JAKMIP1: variants seen among roughly 807,000 people sequenced by gnomAD.
JAKMIP1 encodes janus kinase and microtubule-interacting protein 1.
In JAKMIP1, 33 loss-of-function variants were observed where a neutral mutation model predicts 113.0. That is an observed-to-expected ratio of 0.29 (90% CI 0.22 to 0.39). The LOEUF is 0.39. Among genes scored for constraint, JAKMIP1 ranks in the 10% least tolerant of loss-of-function variants. JAKMIP1 has a pLI of 1.00. For synonymous variants in JAKMIP1, 480 were observed against 459.9 expected (o/e 1.04, Z -0.56); for missense variants, 813 against 1,080.5 (o/e 0.75, Z 3.47).
Position 6,036,038 on chromosome 4 carries a change from C to T in JAKMIP1, c.2245G>A (p.Ala749Thr), listed in dbSNP as rs370324205. ...TCCTCCCGCTGGCCCTCGCTCAGCG[C>T]CTCACCGGCCCTCCGCCCCGGCTCC... ...QQEPGRRAGE[A>T]LSEGQREDLQ... Residue 749 changes from alanine (A) to threonine (T), a missense_variant, in exon 19 of 21, where the codon GCG becomes ACG. Ala to Thr is a moderately conservative substitution (Grantham distance 58). Transcript: ENST00000409021. 6.4e-7 allele frequency: 1 copy of T among 1,554,674 alleles called. No homozygotes were observed.
In JAKMIP1 at chr4:6,167,924, A is replaced by G. The variant is rs1723856570; in HGVS notation, c.-148+32329T>C. Among the ~76,000 whole-genome samples, 1 of 152,214 alleles carries G rather than the reference A, an allele frequency of 6.6e-6. No individual in the cohort carries two copies. The highest frequency in any genetic ancestry group is 1.5e-5 in the Non-Finnish European group (1 of 68,038). ...ACTGCGCCAGATCGCTGCACCAGTG[A>G]GACTTTGTCTCCCAGAGCTGACAGC... On this transcript the variant is annotated intron_variant, in intron 1 of 20. Transcript: ENST00000409021. The surrounding 1 kb of genome is among the most constrained non-coding windows in gnomAD (Gnocchi z 5.3).
intron 1 of JAKMIP1, among the ~76,000 whole-genome samples, chr4:6,182,246 C>CA (rs1478475971): frequency 1.3e-5 from 2 of 151,226 alleles, no homozygotes; most frequent in African/African-American, 4.9e-5. Flanking sequence ...CTCATCTCTA[C>CA]AAAATTAAAA....
chr4:6,103,897 G>T (rs535049453), intron 3 of JAKMIP1, among the ~76,000 whole-genome samples: 1 of 152,206 alleles, frequency 6.6e-6, no homozygotes, highest in South Asian at 2.1e-4. Flanking sequence ...ATTGCTAAAT[G>T]TTTGTCAATT....
chr4:6,100,746 T>G (rs536334074), intron 3 of JAKMIP1, among the ~76,000 whole-genome samples: 21 of 151,502 alleles, frequency 1.4e-4, no homozygotes, highest in African/African-American at 4.6e-4. Context: ...CTATTGTCTG[T>G]TTTTTTTTAA....
rs1719846289 is a variant in JAKMIP1 at position 6,139,846 on chromosome 4, A to G, written c.-147-26849T>C. On this transcript the variant is annotated intron_variant, in intron 1 of 20. Transcript: ENST00000409021. The surrounding 1 kb of genome is among the most constrained non-coding windows in gnomAD (Gnocchi z 5.2). ...AGACACAGAGACAAAGGAGAACACC[A>G]TGTGACGACGAAGGAGGAGGTCACG... Among the ~76,000 whole-genome samples the G allele has an allele frequency of 6.6e-6, 1 of 152,126 alleles. No individual in the cohort carries two copies. Among genetic ancestry groups the G allele is most frequent in the African/African-American group, 2.4e-5 (1 of 41,400 alleles).
chr4:6,082,591 C>T (rs761199539), intron 5 of JAKMIP1, among the ~76,000 whole-genome samples: 1 of 151,946 alleles, frequency 6.6e-6, no homozygotes, highest in Non-Finnish European at 1.5e-5. Flanking sequence ...GCAGCCTTGA[C>T]GTCCTGGCCT....
chr4:6,149,021 C>T (rs142510384), intron 1 of JAKMIP1, among the ~76,000 whole-genome samples: 234 of 152,076 alleles, frequency 1.5e-3, no homozygotes, highest in African/African-American at 5.4e-3. Flanking sequence ...AGGGGGGTGG[C>T]GGGAGTTGAA....
intron 1 of JAKMIP1, among the ~76,000 whole-genome samples, chr4:6,117,609 G>A (rs865900441): frequency 6.6e-6 from 1 of 151,958 alleles, no homozygotes; most frequent in Non-Finnish European, 1.5e-5. Flanking sequence ...GAGATCAACC[G>A]GTCTGACCAA....
rs531104467 is a variant in JAKMIP1, at chr4:6,101,215, C to A, written c.624+4258G>T. Among the ~76,000 whole-genome samples, 3 of 152,110 alleles carry A rather than the reference C, an allele frequency of 2.0e-5. No homozygotes were observed. The South Asian group carries it at 6.2e-4, about 32-fold the overall frequency. On this transcript the variant is annotated intron_variant, in intron 3 of 20. Transcript: ENST00000409021. The stretch of plus-strand genomic sequence containing the variant: ...GGCCTATGGACCACTTTGAATTAAT[C>A]TTTGTGGGTAGTATGATATAGACTT...
chr4:6,172,295 C>T (rs73075498), intron 1 of JAKMIP1, among the ~76,000 whole-genome samples: 2,829 of 152,338 alleles, frequency 0.019, 29 homozygotes, highest in Middle Eastern at 0.054. Flanking sequence ...CTTCCTTCAG[C>T]TGGCAGTGAC....
chr4:6,042,146 T>C lies in JAKMIP1; in HGVS notation c.2097+13A>G, dbSNP rs750182399. ...AACCCTCTCCCCCACCCCCAGGCAGTCAAATCTTTTACCTTCTCCTTCTCC... is the reference window on the plus strand; with the variant it reads ...AACCCTCTCCCCCACCCCCAGGCAGCCAAATCTTTTACCTTCTCCTTCTCC... On this transcript the variant is annotated intron_variant, in intron 17 of 20. Coordinates refer to ENST00000409021, the MANE Select transcript of JAKMIP1 (RefSeq NM_001099433.2). The surrounding 1 kb of genome is among the most constrained non-coding windows in gnomAD (Gnocchi z 5.2). 1 of 1,611,512 alleles carries C rather than the reference T, an allele frequency of 6.2e-7. No homozygotes were observed. Among genetic ancestry groups the C allele is most frequent in the African/African-American group, 1.3e-5 (1 of 74,862 alleles).
chr4:6,113,373 A>G (rs980253319), intron 1 of JAKMIP1, among the ~76,000 whole-genome samples: 5 of 152,080 alleles, frequency 3.3e-5, no homozygotes, highest in Admixed American at 3.3e-4. Flanking sequence ...CTTCTTCCAA[A>G]AAGCAGGGCC....
intron 5 of JAKMIP1, among the ~76,000 whole-genome samples, chr4:6,084,415 A>G (rs1720993739): frequency 6.6e-6 from 1 of 152,192 alleles, no homozygotes; most frequent in African/African-American, 2.4e-5. Flanking sequence ...TACTATGAAC[A>G]CGTTTCCATT....
chr4:6,121,367 A>C (rs1716691046), intron 1 of JAKMIP1, among the ~76,000 whole-genome samples: 1 of 152,168 alleles, frequency 6.6e-6, no homozygotes, highest in Non-Finnish European at 1.5e-5. Flanking sequence ...AATGGTCCTC[A>C]GTGTTCAGGC....
At chr4:6,100,768 G>A (rs569856062) in intron 3 of JAKMIP1, among the ~76,000 whole-genome samples, 46 of 152,048 alleles carry the variant, frequency 3.0e-4, no homozygotes, top group Non-Finnish European at 6.0e-4. Flanking sequence ...AGTCATTCTA[G>A]TGGATGAGAA....
rs775238240 is a variant in JAKMIP1 at position 6,105,688 on chromosome 4, G to A, written c.409C>T (p.Arg137Cys). The part of the protein sequence containing the change: ...KVKTALLTEA[R>C]EEARRAFDGE... ...TCGAAGGCCCTGCGCGCCTCCTCGC[G>A]CGCCTCGGTCAGCAGCGCCGTCTTG... Residue 137 changes from arginine to cysteine, a missense_variant, in exon 3 of 21, where the codon CGC becomes TGC. Transcript: ENST00000409021. 1.9e-6 allele frequency: 3 copies of A among 1,603,192 alleles called. No homozygotes were observed. Among genetic ancestry groups the A allele is most frequent in the Non-Finnish European group, 2.5e-6 (3 of 1,177,618 alleles).
intron 1 of JAKMIP1, among the ~76,000 whole-genome samples, chr4:6,189,786 C>A (rs971715388): frequency 6.6e-6 from 1 of 152,078 alleles, no homozygotes; most frequent in Non-Finnish European, 1.5e-5. Context: ...TGAAGGAAGG[C>A]GCATGATGGA....
At chr4:6,074,687 G>A (rs757095723) in intron 8 of JAKMIP1, among the ~76,000 whole-genome samples, 2 of 152,094 alleles carry the variant, frequency 1.3e-5, no homozygotes, top group Non-Finnish European at 2.9e-5. Context: ...TTATAATATC[G>A]TACCTAATAC....
Position 6,084,819 on chromosome 4 carries a change from C to T in JAKMIP1, c.954+27G>A, listed in dbSNP as rs748826655. On this transcript the variant is annotated intron_variant, in intron 5 of 20. Transcript: ENST00000409021. ...GGCCCCTTCCTTGCACCCTATGAGG[C>T]ACCGCCTGTCTCTTGGGGCTACTTA... The T allele has an allele frequency of 2.2e-5, 36 of 1,606,326 alleles. No homozygotes were observed. The African/African-American group carries it at 3.5e-4, about 16-fold the overall frequency.
Sources: allele counts gnomAD v4.1 joint callset (sites outside exome capture counted in the v4.1 genomes callset), GRCh38; gene constraint gnomAD v4.1.1; non-coding constraint Gnocchi (gnomAD v3.1); transcripts MANE v1.5; gene names NCBI Gene and HGNC (gene_info 2026-07-23, HGNC 2026-07-21).